Variants in TBC1D22B observed in about 807,000 individuals in gnomAD.
The protein encoded by TBC1D22B is TBC1 domain family member 22B, also known as chromosome 6 open reading frame 197.
A neutral mutation model predicts 69.1 loss-of-function variants in TBC1D22B; 32 were observed. The ratio of observed to expected loss-of-function variants is 0.46; its 90% CI spans 0.35 to 0.62. The LOEUF (loss-of-function observed/expected upper bound fraction) is 0.62. Among genes scored for constraint, TBC1D22B ranks in the 20% least tolerant of loss-of-function variants. The pLI, the probability that TBC1D22B is intolerant of heterozygous loss-of-function variation, is 0.00. For missense variants in TBC1D22B, 462 were observed against 630.9 expected, an observed-to-expected ratio of 0.73 and a Z score of 2.87; for synonymous variants, 206 against 229.8, an observed-to-expected ratio of 0.90 and a Z score of 0.94.
intron 7 of TBC1D22B, among the ~76,000 whole-genome samples, chr6:37,290,967 T>C (rs1767160044): frequency 6.6e-6 from 1 of 152,174 alleles, no homozygotes; most frequent in African/African-American, 2.4e-5. Context: ...TTCTAAGGCA[T>C]TTGGGTTTGC....
At chr6:37,309,515 G>C (rs1767839421) in intron 8 of TBC1D22B, among the ~76,000 whole-genome samples, 1 of 152,174 alleles carries the variant, frequency 6.6e-6, no homozygotes, top group Non-Finnish European at 1.5e-5. Context: ...AGTTGGGGTG[G>C]TTTTAGTCTC....
Position 37,275,711 on chromosome 6 carries a change from AGTATTCAATATTTATGAATAT to A in TBC1D22B, c.114-3592_114-3572del, listed in dbSNP as rs1562044136. Among the ~76,000 whole-genome samples the A allele has an allele frequency of 1.7e-3, 260 of 152,336 alleles. 1 individual carries two copies. The highest frequency in any genetic ancestry group is 6.0e-3 in the African/African-American group (251 of 41,576). On this transcript the variant is annotated intron_variant, in intron 2 of 12. Coordinates refer to ENST00000373491, the MANE Select transcript of TBC1D22B (RefSeq NM_017772.4). ...TTAAAATTTAGCATAGGGTCTGGTGAGTATTCAATATTTATGAATATTATGAATATGTATGAATATGGCTAG... is the reference window on the plus strand; with the variant it reads ...TTAAAATTTAGCATAGGGTCTGGTGATATGAATATGTATGAATATGGCTAG...
chr6:37,324,825 A>T (rs1768348057), intron 12 of TBC1D22B, among the ~76,000 whole-genome samples: 1 of 152,192 alleles, frequency 6.6e-6, no homozygotes, highest in Admixed American at 6.5e-5. Context: ...ATCCCTGGCT[A>T]GCACTACCCT....
intron 1 of TBC1D22B, among the ~76,000 whole-genome samples, chr6:37,263,028 G>A (rs893629025): frequency 1.3e-5 from 2 of 152,194 alleles, no homozygotes; most frequent in South Asian, 2.1e-4. Flanking sequence ...TGATTTCTTC[G>A]AGATGCAGTG....
At chr6:37,307,004 CT>C (rs1462863332) in intron 8 of TBC1D22B, among the ~76,000 whole-genome samples, 5 of 152,222 alleles carry the variant, frequency 3.3e-5, no homozygotes, top group African/African-American at 1.2e-4. Flanking sequence ...CCAGCTCCCC[CT>C]GTCTTTGTCA....
At chr6:37,295,077 G>A (rs1280043744) in intron 8 of TBC1D22B, among the ~76,000 whole-genome samples, 2 of 152,132 alleles carry the variant, frequency 1.3e-5, no homozygotes, top group African/African-American at 4.8e-5. Context: ...ATTTGAGAAG[G>A]TTGACTCCAA....
intron 7 of TBC1D22B, among the ~76,000 whole-genome samples, chr6:37,289,557 T>C (rs977126887): frequency 6.6e-6 from 1 of 152,296 alleles, no homozygotes; most frequent in Middle Eastern, 3.4e-3. Flanking sequence ...CTAGCTTCCA[T>C]GTACTTGGCC....
intron 1 of TBC1D22B, among the ~76,000 whole-genome samples, chr6:37,265,018 G>A (rs539780779): frequency 7.2e-5 from 11 of 152,212 alleles, no homozygotes; most frequent in Middle Eastern, 3.4e-3. Context: ...TGATCATCTC[G>A]GTTTCTCTTT....
chr6:37,321,858 A>G (rs76858668), intron 12 of TBC1D22B, among the ~76,000 whole-genome samples: 6,162 of 152,102 alleles, frequency 0.041, 167 homozygotes, highest in Non-Finnish European at 0.059. Context: ...GAGACACAAG[A>G]AGTGTTCTCT....
chr6:37,270,006 C>T (rs1420183171), intron 2 of TBC1D22B, among the ~76,000 whole-genome samples: 4 of 152,182 alleles, frequency 2.6e-5, no homozygotes, highest in African/African-American at 7.2e-5. Flanking sequence ...TTCTGAGGCT[C>T]ACTGCTTCTG....
At chr6:37,300,347 T>C (rs1330940977) in intron 8 of TBC1D22B, among the ~76,000 whole-genome samples, 2 of 151,258 alleles carry the variant, frequency 1.3e-5, no homozygotes, top group East Asian at 1.9e-4. Flanking sequence ...GTTAAATTAT[T>C]ATTATTATAT....
At chr6:37,281,488 T>G (rs993020691) in intron 3 of TBC1D22B, among the ~76,000 whole-genome samples, 20 of 152,168 alleles carry the variant, frequency 1.3e-4, no homozygotes, top group African/African-American at 4.8e-4. Flanking sequence ...TGGTGGGAAA[T>G]GTAGGAGCAC....
At chr6:37,301,075 G>A (rs1238600386) in intron 8 of TBC1D22B, among the ~76,000 whole-genome samples, 1 of 152,122 alleles carries the variant, frequency 6.6e-6, no homozygotes, top group African/African-American at 2.4e-5. Context: ...GTGTCCTTTT[G>A]TAAACCAACT....
intron 7 of TBC1D22B, among the ~76,000 whole-genome samples, chr6:37,287,626 A>G (rs1278706151): frequency 6.6e-6 from 1 of 152,234 alleles, no homozygotes; most frequent in Non-Finnish European, 1.5e-5. Flanking sequence ...GGAATCATAC[A>G]ATATTTGTCC....
intron 8 of TBC1D22B, among the ~76,000 whole-genome samples, chr6:37,309,364 C>T (rs1767835024): frequency 6.6e-6 from 1 of 152,206 alleles, no homozygotes; most frequent in African/African-American, 2.4e-5. Context: ...CTCTTGCTCT[C>T]TTTTTACCCT....
At chr6:37,272,364 CTT>C (rs765434196) in intron 2 of TBC1D22B, among the ~76,000 whole-genome samples, 17 of 135,760 alleles carry the variant, frequency 1.3e-4, no homozygotes, top group Non-Finnish European at 9.6e-5. Context: ...TATGTCCAGC[CTT>C]TTTTTTTTTT....
At chr6:37,327,992 T>C (rs1168111124) in intron 12 of TBC1D22B, among the ~76,000 whole-genome samples, 2 of 152,076 alleles carry the variant, frequency 1.3e-5, no homozygotes, top group Admixed American at 1.3e-4. Context: ...GGAATATATT[T>C]TCTGGTTGAA....
intron 7 of TBC1D22B, 139 bp downstream of exon 7, chr6:37,287,211 A>C: frequency 1.6e-6 from 1 of 608,344 alleles, no homozygotes; most frequent in East Asian, 3.1e-5. Flanking sequence ...GGTTTCATAC[A>C]TTTTCATTTG....
At chr6:37,282,752 T>C (rs963037522) in intron 4 of TBC1D22B, 130 bp from the exon 5 acceptor site, 25 of 898,000 alleles carry the variant, frequency 2.8e-5, no homozygotes, top group African/African-American at 2.8e-4. Flanking sequence ...GGCTTTTCAC[T>C]GTGCTTATGG....
Sources: gnomAD v4.1 joint callset for allele counts (sites outside exome capture counted in the v4.1 genomes callset) on GRCh38, gnomAD v4.1.1 for gene constraint, MANE v1.5 for transcripts, NCBI Gene and HGNC (gene_info 2026-07-23, HGNC 2026-07-21) for gene names.